Variants in CAPN3 observed in about 807,000 individuals in gnomAD.
CAPN3 encodes calpain 3.
CAPN3 carries 88 observed loss-of-function variants against 114.0 expected under a neutral mutation model. That is an observed-to-expected ratio of 0.77 (90% CI 0.65 to 0.92). The LOEUF (loss-of-function observed/expected upper bound fraction) is 0.92, where lower values mean the gene tolerates loss of function less well. Ranked by LOEUF, CAPN3 falls within the 40% of genes least tolerant of loss-of-function variation. CAPN3 has a pLI of 0.00. For missense variants in CAPN3, 1,028 were observed against 1,069.0 expected (o/e 0.96, Z 0.53); for synonymous variants, 386 against 382.9 (o/e 1.01, Z -0.09).
rs1273129397 is a variant in CAPN3 at position 42,399,608 on chromosome 15, G to A, written c.1310G>A (p.Arg437His). ...QTWTVSVNEG[R>H]WVRGCSAGGC... ...TGGACAGTGTCTGTGAACGAGGGCC[G>A]CTGGGTACGGGGTTGCTCTGCCGGA... Residue 437 changes from arginine to histidine, a missense_variant, in exon 10 of 24, where the codon CGC becomes CAC. Physicochemically the swap from Arg to His is conservative, Grantham distance 29 (BLOSUM62 0). Coordinates refer to ENST00000397163, the MANE Select transcript of CAPN3 (RefSeq NM_000070.3). 12 of 1,613,002 alleles carry A rather than the reference G, an allele frequency of 7.4e-6. No homozygotes were observed. The highest frequency in any genetic ancestry group is 3.3e-5 in the South Asian group (3 of 90,920).
At chr15:42,367,930 G>C (rs796141335) in intron 1 of CAPN3, among the ~76,000 whole-genome samples, 1 of 152,050 alleles carries the variant, frequency 6.6e-6, no homozygotes, top group South Asian at 2.1e-4. Flanking sequence ...TGAGTAGCTG[G>C]GACTACAGGC....
At chr15:42,394,461 C>G (rs2053639713) in intron 8 of CAPN3, 120 bp downstream of exon 8, 1 of 814,170 alleles carries the variant, frequency 1.2e-6, no homozygotes, top group Non-Finnish European at 2.0e-6. Context: ...CCCTCAAAAC[C>G]AATGATCCGC....
intron 1 of CAPN3, among the ~76,000 whole-genome samples, chr15:42,381,676 A>C (rs1185541738): frequency 6.6e-6 from 1 of 152,076 alleles, no homozygotes; most frequent in South Asian, 2.1e-4. Context: ...AGTAGCTGGG[A>C]CTACAGGCAT....
At chr15:42,373,473 C>A (rs1026591992) in intron 1 of CAPN3, among the ~76,000 whole-genome samples, 1 of 152,208 alleles carries the variant, frequency 6.6e-6, no homozygotes, top group African/African-American at 2.4e-5. Flanking sequence ...AGCTGCCAGG[C>A]CTGAGTTTCC....
chr15:42,401,894 G>T, intron 11 of CAPN3, 84 bp downstream of exon 11: 3 of 1,479,964 alleles, frequency 2.0e-6, no homozygotes, highest in Non-Finnish European at 2.8e-6. Context: ...GGGCCCTCTG[G>T]CTTCCTCAAT....
At chr15:42,384,112 CAATAAAT>C (rs1215111093) in intron 1 of CAPN3, among the ~76,000 whole-genome samples, 2 of 151,808 alleles carry the variant, frequency 1.3e-5, no homozygotes, top group African/African-American at 4.8e-5. Flanking sequence ...TAATGGAACT[CAATAAAT>C]AATAGCTACT....
Position 42,403,769 on chromosome 15 carries a change from C to G in CAPN3, c.1774C>G (p.Arg592Gly), listed in dbSNP as rs373512834. Reference sequence around the variant, plus strand: ...AGTTGAAAATACCATCTCCGTGGATCGGCCAGTGGTGAGTGGTTTAGATCT... The same window carrying G: ...AGTTGAAAATACCATCTCCGTGGATGGGCCAGTGGTGAGTGGTTTAGATCT... ...EEVENTISVD[R>G]PVKKKKTKPI... is the part of the protein sequence containing the mutation. Residue 592 changes from arginine to glycine, a missense_variant, in exon 14 of 24, where the codon CGG becomes GGG. By Grantham distance (125) the Arg-to-Gly change is moderately radical. Coordinates refer to ENST00000397163, the MANE Select transcript of CAPN3 (RefSeq NM_000070.3). The G allele has an allele frequency of 1.2e-6, 2 of 1,613,818 alleles. No homozygotes were observed. Among genetic ancestry groups the G allele is most frequent in the African/African-American group, 2.7e-5 (2 of 74,892 alleles).
At chr15:42,392,094 G>A (rs2053570417) in intron 6 of CAPN3, among the ~76,000 whole-genome samples, 1 of 152,156 alleles carries the variant, frequency 6.6e-6, no homozygotes, top group Non-Finnish European at 1.5e-5. Flanking sequence ...GAACACGGGA[G>A]GCAGAGGTTG....
Position 42,394,305 on chromosome 15 carries a change from G to A in CAPN3, c.1079G>A (p.Trp360Ter), listed in dbSNP as rs1555421280. 3 of 1,563,404 alleles carry A rather than the reference G, an allele frequency of 1.9e-6. No homozygotes were observed. The highest frequency in any genetic ancestry group is 2.6e-6 in the Non-Finnish European group (3 of 1,153,262). Residue 360 changes from tryptophan (W) to a stop codon, truncating the protein, a stop_gained, in exon 8 of 24, where the codon TGG becomes TAG. Transcript: ENST00000397163. LOFTEE classifies it high-confidence loss of function. ...KVKLVRLRNPWGQVEWNGSWS... is the reference protein window; with the variant it reads ...KVKLVRLRNP The stretch of plus-strand genomic sequence containing the variant: ...AAGCTGGTGCGGCTGCGGAATCCGT[G>A]GGGCCAGGTGGAGTGGAACGGTTCT...
intron 9 of CAPN3, 79 bp downstream of exon 9, chr15:42,396,956 A>T: frequency 1.9e-6 from 2 of 1,050,530 alleles, no homozygotes; most frequent in Admixed American, 3.5e-5. Flanking sequence ...GTCCCCAGCT[A>T]AGGTTATCAG....
rs552154935 is a variant in CAPN3, at chr15:42,373,413, A to C, written c.310-11070A>C. ...GAGAAGCACAGAGTAGACAAAGGCC[A>C]TCAGGCATTCATGAGCAGACAGGGA... On this transcript the variant is annotated intron_variant, in intron 1 of 23. Transcript: ENST00000397163. Among the ~76,000 whole-genome samples, 18 of 152,354 alleles carry C rather than the reference A, an allele frequency of 1.2e-4. No individual in the cohort carries two copies. In the East Asian group the frequency reaches 3.5e-3, roughly 29 times the overall value.
chr15:42,377,756 T>G (rs1158713797), intron 1 of CAPN3, among the ~76,000 whole-genome samples: 1 of 152,264 alleles, frequency 6.6e-6, no homozygotes, highest in Non-Finnish European at 1.5e-5. Flanking sequence ...TATTTCTTCC[T>G]TGAATATTTG....
chr15:42,405,818 C>T, intron 14 of CAPN3, 108 bp from the exon 15 acceptor site: 1 of 826,996 alleles, frequency 1.2e-6, no homozygotes, highest in Non-Finnish European at 2.1e-6. Context: ...GACCCTGGAG[C>T]CCCACCCCAA....
Position 42,392,655 on chromosome 15 carries a change from A to G in CAPN3, c.962A>G (p.Gln321Arg). Reference sequence around the variant, plus strand: ...GCTCTACAGACAATCATTCCGGTTCAGTATGAGACAAGAATGGCCTGCGGG... The same window carrying G: ...GCTCTACAGACAATCATTCCGGTTCGGTATGAGACAAGAATGGCCTGCGGG... ...ERPTRTIIPV[Q>R]YETRMACGLV... is the part of the protein sequence containing the mutation. Residue 321 changes from glutamine (Q) to arginine (R), a missense_variant, in exon 7 of 24, where the codon CAG becomes CGG. By Grantham distance (43) the Gln-to-Arg change is conservative. Transcript: ENST00000397163. 1 of 1,613,740 alleles carries G rather than the reference A, an allele frequency of 6.2e-7. No individual in the cohort carries two copies. Among genetic ancestry groups the G allele is most frequent in the Middle Eastern group, 1.7e-4 (1 of 6,060 alleles).
chr15:42,378,368 G>A (rs2141140196), intron 1 of CAPN3, among the ~76,000 whole-genome samples: 1 of 152,306 alleles, frequency 6.6e-6, no homozygotes, highest in East Asian at 1.9e-4. Context: ...GCTATTAAGT[G>A]GATTCGGCTG....
At chr15:42,385,745 C>G (rs2053384646) in intron 2 of CAPN3, 1 of 522,526 alleles carries the variant, frequency 1.9e-6, no homozygotes, top group South Asian at 1.4e-5. Context: ...GGATGGTTCT[C>G]TGAGGCTCAG....
chr15:42,382,988 A>T (rs904274826), intron 1 of CAPN3, among the ~76,000 whole-genome samples: 2 of 152,216 alleles, frequency 1.3e-5, no homozygotes, highest in Non-Finnish European at 2.9e-5. Flanking sequence ...TCAGAGTTCT[A>T]CTTCCATCCC....
chr15:42,397,474 T>C (rs1016863307), intron 9 of CAPN3, among the ~76,000 whole-genome samples: 1 of 152,100 alleles, frequency 6.6e-6, no homozygotes, highest in Non-Finnish European at 1.5e-5. Context: ...ACCCTGTCTG[T>C]ACTAAAAATA....
intron 1 of CAPN3, among the ~76,000 whole-genome samples, chr15:42,363,991 C>T (rs1027497557): frequency 6.6e-6 from 1 of 152,130 alleles, no homozygotes; most frequent in Non-Finnish European, 1.5e-5. Flanking sequence ...TTTTGGACTC[C>T]CACCTGCCCT....
Sources: gnomAD v4.1 joint callset for allele counts (sites outside exome capture counted in the v4.1 genomes callset) on GRCh38, gnomAD v4.1.1 for gene constraint, MANE v1.5 for transcripts, NCBI Gene and HGNC (gene_info 2026-07-23, HGNC 2026-07-21) for gene names.